The following ADAMTS16 variants were observed in gnomAD, a reference collection of about 807,000 sequenced individuals.
The protein encoded by ADAMTS16 is ADAM metallopeptidase with thrombospondin type 1 motif 16.
A neutral mutation model predicts 145.8 loss-of-function variants in ADAMTS16; 94 were observed. That is an observed-to-expected ratio of 0.64 (90% CI 0.55 to 0.77). The LOEUF (loss-of-function observed/expected upper bound fraction) is 0.77, where lower values mean the gene tolerates loss of function less well. ADAMTS16 is among the 30% of genes least tolerant of loss of function. The pLI, the probability that ADAMTS16 is intolerant of heterozygous loss-of-function variation, is 0.00. For synonymous variants in ADAMTS16, 659 were observed against 604.3 expected (o/e 1.09, Z -1.33); for missense variants, 1,585 against 1,591.5 (o/e 1.00, Z 0.07).
chr5:5,172,561 T>C (rs1321837040), intron 3 of ADAMTS16, among the ~76,000 whole-genome samples: 4 of 152,164 alleles, frequency 2.6e-5, no homozygotes, highest in Non-Finnish European at 5.9e-5. Context: ...AAAATTCCTC[T>C]TGTGACTGAT....
At chr5:5,242,837 C>T (rs1332037039) in intron 17 of ADAMTS16, among the ~76,000 whole-genome samples, 3 of 152,316 alleles carry the variant, frequency 2.0e-5, no homozygotes, top group Admixed American at 6.5e-5. Context: ...TATGTACTGA[C>T]TGTCTGATAT....
intron 18 of ADAMTS16, among the ~76,000 whole-genome samples, chr5:5,272,180 C>T (rs908004739): frequency 1.3e-5 from 2 of 151,988 alleles, no homozygotes; most frequent in Non-Finnish European, 2.9e-5. Context: ...GGGTTTTGCT[C>T]ACAGGAATGC....
chr5:5,146,260 A>G lies in ADAMTS16; in HGVS notation c.306A>G (p.Lys102=), dbSNP rs1734292309. ...SEVESLHLRL[K]GSRHDFHMDL... is the part of the protein sequence containing the mutation. ...TTGAGTCTCTTCACCTTCGGCTGAAAGGCTCCAGGCACGACTTCCACATGG... is the reference window on the plus strand; with the variant it reads ...TTGAGTCTCTTCACCTTCGGCTGAAGGGCTCCAGGCACGACTTCCACATGG... Residue 102 remains lysine, a synonymous_variant, in exon 3 of 23, where the codon AAA becomes AAG. Transcript: ENST00000274181. 1.2e-6 allele frequency: 2 copies of G among 1,614,200 alleles called. No homozygotes were observed. Among genetic ancestry groups the G allele is most frequent in the Non-Finnish European group, 1.7e-6 (2 of 1,180,034 alleles).
intron 8 of ADAMTS16, among the ~76,000 whole-genome samples, chr5:5,194,394 AC>A (rs1351482150): frequency 6.6e-6 from 1 of 152,170 alleles, no homozygotes; most frequent in Non-Finnish European, 1.5e-5. Flanking sequence ...TGTAAAATTC[AC>A]CTAGCAATTT....
At chr5:5,200,647 T>G (rs920308204) in intron 9 of ADAMTS16, among the ~76,000 whole-genome samples, 4 of 152,196 alleles carry the variant, frequency 2.6e-5, no homozygotes, top group Non-Finnish European at 5.9e-5. Flanking sequence ...AGCATAACTT[T>G]TTTTGGTTTT....
At chr5:5,261,088 T>C (rs963663731) in intron 17 of ADAMTS16, among the ~76,000 whole-genome samples, 2 of 152,204 alleles carry the variant, frequency 1.3e-5, no homozygotes, top group African/African-American at 4.8e-5. Flanking sequence ...TCTGAATATA[T>C]TGTGTGTTAA....
chr5:5,252,930 T>C (rs1373392054), intron 17 of ADAMTS16, among the ~76,000 whole-genome samples: 1 of 152,210 alleles, frequency 6.6e-6, no homozygotes, highest in Admixed American at 6.5e-5. Context: ...CCACTGGTGC[T>C]CTTTATCCCA....
intron 18 of ADAMTS16, among the ~76,000 whole-genome samples, chr5:5,268,626 A>G (rs533007443): frequency 6.6e-6 from 1 of 152,286 alleles, no homozygotes; most frequent in South Asian, 2.1e-4. Flanking sequence ...CGTCTTTGTT[A>G]ATAGAAGCCG....
At chr5:5,247,552 A>G (rs2913638) in intron 17 of ADAMTS16, among the ~76,000 whole-genome samples, 144,801 of 152,186 alleles carry the variant, frequency 0.95, 69,313 homozygotes, top group East Asian at 1. Context: ...ATTCTTTCCC[A>G]TTCCCAGAGT....
intron 21 of ADAMTS16, among the ~76,000 whole-genome samples, chr5:5,311,161 T>G (rs571374341): frequency 1.3e-5 from 2 of 152,038 alleles, no homozygotes; most frequent in South Asian, 4.2e-4. Flanking sequence ...TGACTCCCCC[T>G]GAACCGAAGT....
intron 11 of ADAMTS16, among the ~76,000 whole-genome samples, chr5:5,225,155 A>C (rs1056538005): frequency 4.6e-5 from 7 of 152,152 alleles, no homozygotes; most frequent in African/African-American, 1.7e-4. Flanking sequence ...GGACTCTGTA[A>C]GCCAAAGCAA....
At chr5:5,282,569 C>T (rs1253401754) in intron 18 of ADAMTS16, among the ~76,000 whole-genome samples, 2 of 152,234 alleles carry the variant, frequency 1.3e-5, no homozygotes, top group East Asian at 1.9e-4. Context: ...CTCCTCCCCA[C>T]TGTTTCATCC....
chr5:5,210,180 A>C (rs967467524), intron 10 of ADAMTS16, among the ~76,000 whole-genome samples: 1 of 152,164 alleles, frequency 6.6e-6, no homozygotes, highest in African/African-American at 2.4e-5. Flanking sequence ...GAAGATGTGA[A>C]TTCCCTGAGA....
At chr5:5,262,959 C>T (rs940111531) in intron 18 of ADAMTS16, among the ~76,000 whole-genome samples, 176 bp downstream of exon 18, 6 of 152,252 alleles carry the variant, frequency 3.9e-5, no homozygotes, top group African/African-American at 4.8e-5. Context: ...TGTGTTTAGG[C>T]GGGAAGTGGT....
chr5:5,239,213 C>T lies in ADAMTS16; in HGVS notation c.2217C>T (p.Asn739=), dbSNP rs202019608. The T allele has an allele frequency of 1.8e-4, 283 of 1,602,868 alleles. No homozygotes were observed. The highest frequency in any genetic ancestry group is 5.4e-4 in the African/African-American group (40 of 74,480). ...DAVEDVCGVC[N]GNNSACTIHR... is the part of the protein sequence containing the mutation. Reference sequence around the variant, plus strand: ...TTGAAGACGTCTGTGGGGTGTGTAACGGGAATAACTCAGCCTGCACGATTC... The same window carrying T: ...TTGAAGACGTCTGTGGGGTGTGTAATGGGAATAACTCAGCCTGCACGATTC... The change falls in exon 15 of 23, where the codon AAC becomes AAT. Residue 739 remains asparagine, a synonymous_variant. Coordinates refer to ENST00000274181, the MANE Select transcript of ADAMTS16 (RefSeq NM_139056.4).
chr5:5,258,851 AT>A (rs1553995320), intron 17 of ADAMTS16, among the ~76,000 whole-genome samples: 192 of 150,570 alleles, frequency 1.3e-3, no homozygotes, highest in African/African-American at 4.2e-3. Context: ...TATATATATA[AT>A]TTTTTTTAGT....
chr5:5,146,621 T>A (rs1304390300), intron 3 of ADAMTS16, among the ~76,000 whole-genome samples, 166 bp downstream of exon 3: 1 of 152,236 alleles, frequency 6.6e-6, no homozygotes, highest in Non-Finnish European at 1.5e-5. Flanking sequence ...AAACATTGCG[T>A]GCCTCCTCTG....
chr5:5,168,682 A>G (rs1473465657), intron 3 of ADAMTS16, among the ~76,000 whole-genome samples: 1 of 17,776 alleles, frequency 5.6e-5, no homozygotes, highest in Non-Finnish European at 1.1e-4. Flanking sequence ...AATTATAATT[A>G]TATAATTATA....
At chr5:5,299,271 A>C (rs1739674209) in intron 18 of ADAMTS16, among the ~76,000 whole-genome samples, 1 of 152,184 alleles carries the variant, frequency 6.6e-6, no homozygotes, top group African/African-American at 2.4e-5. Flanking sequence ...CTAAATTCTA[A>C]AAGGGAGGGC....
Sources: allele counts gnomAD v4.1 joint callset (sites outside exome capture counted in the v4.1 genomes callset), GRCh38; gene constraint gnomAD v4.1.1; transcripts MANE v1.5; gene names NCBI Gene and HGNC (gene_info 2026-07-23, HGNC 2026-07-21).